The following IFT74 variants were observed in gnomAD, a reference collection of about 807,000 sequenced individuals.
IFT74 encodes the protein intraflagellar transport 74, also known as intraflagellar transport protein 74 homolog.
In IFT74, 92 loss-of-function variants were observed where a neutral mutation model predicts 96.7. The observed-to-expected ratio is 0.95, with a 90% CI of 0.80 to 1.13. The LOEUF is 1.13. Among genes scored for constraint, IFT74 ranks in the 50% most tolerant of loss-of-function variants. IFT74 has a pLI of 0.00. For synonymous variants in IFT74, 223 were observed against 213.2 expected, an observed-to-expected ratio of 1.05 and a Z score of -0.40; for missense variants, 811 against 698.2, an observed-to-expected ratio of 1.16 and a Z score of -1.82.
exon 1 of IFT74, chr9:26,947,135 A>G (rs1825760245): frequency 1.5e-6 from 2 of 1,378,108 alleles, no homozygotes; most frequent in African/African-American, 1.5e-5. Context: ...GCGGCGGGAG[A>G]AGAGCCTGCA....
intron 8 of IFT74, chr9:26,997,897 C>T: frequency 6.2e-7 from 1 of 1,614,106 alleles, no homozygotes. Flanking sequence ...TTCTTAGAGG[C>T]ACAAATACAT....
intron 12 of IFT74, among the ~76,000 whole-genome samples, chr9:27,025,371 A>G (rs1281373193): frequency 7.1e-6 from 1 of 140,340 alleles, no homozygotes; most frequent in African/African-American, 2.6e-5. Flanking sequence ...TGAACCTGGG[A>G]GGTGGAGGTT....
In IFT74 at chr9:27,063,095, G is replaced by T. The variant is rs1351694361; in HGVS notation, c.*359G>T. Among the ~76,000 whole-genome samples the T allele has an allele frequency of 1.3e-5, 2 of 152,030 alleles. No individual in the cohort carries two copies. The highest frequency in any genetic ancestry group is 2.4e-5 in the African/African-American group (1 of 41,408). On this transcript the variant is annotated 3_prime_UTR_variant, in exon 20 of 20. Transcript: ENST00000380062. ...GGACGGATGCATGGAGTATGATTCT[G>T]ATTTAGCACTTAGATCAACCTTGTC... is the stretch of plus-strand genomic sequence containing the variant.
chr9:27,022,901 G>A (rs1192658025), intron 12 of IFT74, among the ~76,000 whole-genome samples: 1 of 152,094 alleles, frequency 6.6e-6, no homozygotes, highest in Admixed American at 6.6e-5. Flanking sequence ...GCCTCCCAAA[G>A]TGCTGGGATT....
intron 1 of IFT74, chr9:26,947,207 G>C (rs1825764282): frequency 1.2e-6 from 1 of 813,592 alleles, no homozygotes; most frequent in African/African-American, 1.8e-5. Flanking sequence ...GGCTGGGAAG[G>C]GGCGCGCCGA....
chr9:26,983,303 T>C lies in IFT74; in HGVS notation c.306-954T>C, dbSNP rs149118544. ...AAGGAAATATAGTTATTCCTAATGATTGCATTGCCTTTCTCCCCCAGGATT... is the reference window on the plus strand; with the variant it reads ...AAGGAAATATAGTTATTCCTAATGACTGCATTGCCTTTCTCCCCCAGGATT... On this transcript the variant is annotated intron_variant, in intron 4 of 19. Coordinates refer to ENST00000380062, the MANE Select transcript of IFT74 (RefSeq NM_025103.4). 2.0e-3 allele frequency among the ~76,000 whole-genome samples: 309 copies of C among 152,346 alleles called. 1 individual carries two copies. Among genetic ancestry groups the C allele is most frequent in the Middle Eastern group, 0.01 (3 of 294 alleles).
At chr9:26,967,417 C>G (rs898312371) in intron 2 of IFT74, among the ~76,000 whole-genome samples, 1 of 151,870 alleles carries the variant, frequency 6.6e-6, no homozygotes, top group Non-Finnish European at 1.5e-5. Context: ...TATAGAAATG[C>G]TATTGATTTT....
chr9:27,013,216 GCTTT>G (rs1444373655), intron 10 of IFT74, among the ~76,000 whole-genome samples: 1 of 152,078 alleles, frequency 6.6e-6, no homozygotes, highest in Admixed American at 6.6e-5. Context: ...GCTAGCTGCA[GCTTT>G]CTTTTTTCAC....
In IFT74 at chr9:27,017,032, A is replaced by T; in HGVS notation, c.915A>T (p.Arg305Ser). The change falls in exon 11 of 20, where the codon AGA (arginine) becomes AGT (serine). Residue 305 changes from arginine to serine, a missense_variant. Arg to Ser is a moderately radical substitution (Grantham distance 110). Coordinates refer to ENST00000380062, the MANE Select transcript of IFT74 (RefSeq NM_025103.4). ...GCATAGGATCTCCAATGGAAGAGAG[A>T]GAGAAATTACTTAAGCAGGTGGGCA... ...DKSIGSPMEEREKLLKQIKDD... is the reference protein window; with the variant it reads ...DKSIGSPMEESEKLLKQIKDD... The T allele has an allele frequency of 6.2e-7, 1 of 1,604,980 alleles. No homozygotes were observed. The highest frequency in any genetic ancestry group is 8.5e-7 in the Non-Finnish European group (1 of 1,176,850).
intron 2 of IFT74, among the ~76,000 whole-genome samples, chr9:26,964,838 A>T (rs1826536052): frequency 6.6e-6 from 1 of 152,224 alleles, no homozygotes; most frequent in Non-Finnish European, 1.5e-5. Context: ...TTGCCACGGC[A>T]CCTGGAGGTA....
Position 26,961,636 on chromosome 9 carries a change from A to G in IFT74, c.-19-313A>G, listed in dbSNP as rs140428788. The stretch of plus-strand genomic sequence containing the variant: ...AAGTGCAGAGAAAGGATTAGGGGCA[A>G]AGAAAGATGTTGGCTATGATGGGAG... On this transcript the variant is annotated intron_variant, in intron 1 of 19. Coordinates refer to ENST00000380062, the MANE Select transcript of IFT74 (RefSeq NM_025103.4). Among the ~76,000 whole-genome samples, 49 of 152,342 alleles carry G rather than the reference A, an allele frequency of 3.2e-4. No homozygotes were observed. In the East Asian group the frequency reaches 8.9e-3, roughly 28 times the overall value.
At chr9:26,997,682 C>T (rs1297684765) in intron 8 of IFT74, 1 of 1,532,736 alleles carries the variant, frequency 6.5e-7, no homozygotes, top group South Asian at 1.3e-5. Context: ...TGTGGTGGAA[C>T]ATTGAGTTAA....
intron 10 of IFT74, 84 bp from the exon 11 acceptor site, chr9:27,016,823 C>A: frequency 9.9e-7 from 1 of 1,005,602 alleles, no homozygotes; most frequent in East Asian, 2.7e-5. Flanking sequence ...TTAAATTTAC[C>A]CCCATTCTTA....
At chr9:27,059,538 T>C (rs1477442196) in intron 18 of IFT74, among the ~76,000 whole-genome samples, 2 of 152,232 alleles carry the variant, frequency 1.3e-5, no homozygotes, top group African/African-American at 2.4e-5. Flanking sequence ...GTCTGGTACT[T>C]GACTTTGCTG....
chr9:27,020,559 C>T (rs1236179157), intron 12 of IFT74, among the ~76,000 whole-genome samples: 1 of 150,986 alleles, frequency 6.6e-6, no homozygotes, highest in Non-Finnish European at 1.5e-5. Context: ...ACTGCAAGCT[C>T]CTCCTCCCAG....
intron 12 of IFT74, among the ~76,000 whole-genome samples, chr9:27,023,324 A>G (rs1229706227): frequency 6.6e-6 from 1 of 152,112 alleles, no homozygotes; most frequent in African/African-American, 2.4e-5. Flanking sequence ...TTACCTTAAG[A>G]TATGTCTCTT....
Position 27,048,140 on chromosome 9 carries a change from A to C in IFT74, c.1207-8A>C, listed in dbSNP as rs1390654078. The C allele has an allele frequency of 6.4e-7, 1 of 1,551,012 alleles. No homozygotes were observed. The highest frequency in any genetic ancestry group is 2.3e-5 in the East Asian group (1 of 43,452). On this transcript the variant is annotated splice_region_variant and splice_polypyrimidine_tract_variant and intron_variant, in intron 15 of 19. Coordinates refer to ENST00000380062, the MANE Select transcript of IFT74 (RefSeq NM_025103.4). ...TTTTTTTCTATTTTTATTTCTCTGC[A>C]AATGCAGAATATAAATCGTATAGAA...
rs528449193 is a variant in IFT74, at chr9:27,018,784, T to C, written c.974+97T>C. The C allele has an allele frequency of 1.9e-5, 12 of 642,976 alleles. No homozygotes were observed. The African/African-American group carries it at 2.2e-4, about 12-fold the overall frequency. The allele number at this position is 642,976 out of a possible 1,614,324, so 39.8% of individuals were successfully genotyped here. On this transcript the variant is annotated intron_variant, in intron 12 of 19. Coordinates refer to ENST00000380062, the MANE Select transcript of IFT74 (RefSeq NM_025103.4). ...GTGGCTTTCATTCTTTCAATTTTAC[T>C]TATAGCTTTAAATATTTCTTTGAGT... is the stretch of plus-strand genomic sequence containing the variant.
At chr9:27,023,757 T>C (rs1829723220) in intron 12 of IFT74, among the ~76,000 whole-genome samples, 1 of 152,178 alleles carries the variant, frequency 6.6e-6, no homozygotes, top group African/African-American at 2.4e-5. Context: ...ATCTCCCCCA[T>C]TGAACATAAC....
Sources: gnomAD v4.1 joint callset for allele counts (sites outside exome capture counted in the v4.1 genomes callset) on GRCh38, gnomAD v4.1.1 for gene constraint, MANE v1.5 for transcripts, NCBI Gene and HGNC (gene_info 2026-07-23, HGNC 2026-07-21) for gene names.